ADGRL2: variants seen among roughly 807,000 people sequenced by gnomAD.
The protein encoded by ADGRL2 is adhesion G protein-coupled receptor L2, also known as calcium-independent alpha-latrotoxin receptor 2.
A neutral mutation model predicts 157.4 loss-of-function variants in ADGRL2; 44 were observed. The observed-to-expected ratio is 0.28, with a 90% CI of 0.22 to 0.36. The LOEUF (loss-of-function observed/expected upper bound fraction) is 0.36, where lower values mean the gene tolerates loss of function less well. Among genes scored for constraint, ADGRL2 ranks in the 10% least tolerant of loss-of-function variants. The pLI is 1.00. For synonymous variants in ADGRL2, 585 were observed against 624.7 expected, an observed-to-expected ratio of 0.94 and a Z score of 0.95; for missense variants, 1,510 against 1,768.9, an observed-to-expected ratio of 0.85 and a Z score of 2.63.
intron 3 of ADGRL2, among the ~76,000 whole-genome samples, chr1:81,654,836 C>A (rs2082495744): frequency 6.6e-6 from 1 of 152,214 alleles, no homozygotes; most frequent in Non-Finnish European, 1.5e-5. Context: ...CAATCCCTGT[C>A]TTACCAGTGC....
In ADGRL2 at chr1:81,569,703, G is replaced by T. The variant is rs1168506078; in HGVS notation, c.-247-11173G>T. ...TGCACATCTGTAGTCCCAACTACTGGGGAGGCAGAGGTGAGAGGATTGCTT... is the reference window on the plus strand; with the variant it reads ...TGCACATCTGTAGTCCCAACTACTGTGGAGGCAGAGGTGAGAGGATTGCTT... On this transcript the variant is annotated intron_variant, in intron 2 of 24. Transcript: ENST00000370721. Among the ~76,000 whole-genome samples the T allele has an allele frequency of 3.3e-5, 5 of 152,126 alleles. No individual in the cohort carries two copies. The East Asian group carries it at 9.6e-4, about 29-fold the overall frequency.
chr1:81,630,748 A>G (rs565190872), intron 3 of ADGRL2, among the ~76,000 whole-genome samples: 1 of 152,234 alleles, frequency 6.6e-6, no homozygotes, highest in Non-Finnish European at 1.5e-5. Flanking sequence ...ATAGGCTACA[A>G]GTTTAAAGTT....
At chr1:81,747,001 T>TACAC (rs1571050201) in intron 1 of ADGRL2, among the ~76,000 whole-genome samples, 53 of 132,410 alleles carry the variant, frequency 4.0e-4, no homozygotes, top group South Asian at 9.8e-4. Context: ...CGTATATACG[T>TACAC]GTATACACAC....
chr1:81,422,175 T>A (rs2077136833), intron 1 of ADGRL2, among the ~76,000 whole-genome samples: 2 of 97,318 alleles, frequency 2.1e-5, no homozygotes, highest in Admixed American at 2.9e-4. Flanking sequence ...CATATTTACA[T>A]CTCTCAAACT....
intron 2 of ADGRL2, among the ~76,000 whole-genome samples, chr1:81,526,148 C>T (rs2079450012): frequency 6.6e-6 from 1 of 152,152 alleles, no homozygotes; most frequent in Non-Finnish European, 1.5e-5. Context: ...GATTTGCAAG[C>T]TTATTTTGTC....
chr1:81,477,826 G>C (rs1042778657), intron 2 of ADGRL2, among the ~76,000 whole-genome samples: 2 of 152,130 alleles, frequency 1.3e-5, no homozygotes, highest in South Asian at 4.1e-4. Context: ...GCTTCAGGTC[G>C]TGTTGTGTTC....
At chr1:81,620,400 G>T (rs893638698) in intron 3 of ADGRL2, among the ~76,000 whole-genome samples, 3 of 152,144 alleles carry the variant, frequency 2.0e-5, no homozygotes, top group African/African-American at 7.2e-5. Context: ...TTTAGGTCAA[G>T]TAAAAAAGTA....
At chr1:81,769,293 C>T (rs563462974) in intron 2 of ADGRL2, among the ~76,000 whole-genome samples, 3 of 152,282 alleles carry the variant, frequency 2.0e-5, no homozygotes, top group African/African-American at 4.8e-5. Context: ...GCATTTCCCA[C>T]TCAAGAAAGC....
At chr1:81,407,212 C>A (rs752316542) in intron 1 of ADGRL2, among the ~76,000 whole-genome samples, 3 of 152,138 alleles carry the variant, frequency 2.0e-5, no homozygotes, top group Non-Finnish European at 4.4e-5. Context: ...CTGTTTCTGG[C>A]GAGAGAGATT....
At chr1:81,633,966 GC>G (rs1336363456) in intron 3 of ADGRL2, among the ~76,000 whole-genome samples, 1 of 152,108 alleles carries the variant, frequency 6.6e-6, no homozygotes, top group Admixed American at 6.6e-5. Flanking sequence ...ACTTGCGGGT[GC>G]CAGTAGTATT....
chr1:81,862,112 A>C (rs960849448), intron 2 of ADGRL2, among the ~76,000 whole-genome samples: 1 of 152,190 alleles, frequency 6.6e-6, no homozygotes, highest in Non-Finnish European at 1.5e-5. Context: ...AAAATTTGTA[A>C]CTTAAGGTAA....
chr1:81,730,320 T>A (rs1369239281), intron 1 of ADGRL2, among the ~76,000 whole-genome samples: 1 of 152,160 alleles, frequency 6.6e-6, no homozygotes, highest in Non-Finnish European at 1.5e-5. Context: ...TGGCCACTTG[T>A]CCTATATTTG....
At chr1:81,610,012 G>A (rs1320378904) in intron 3 of ADGRL2, among the ~76,000 whole-genome samples, 3 of 152,188 alleles carry the variant, frequency 2.0e-5, no homozygotes, top group African/African-American at 7.2e-5. Context: ...CTTGCTTGTA[G>A]TAGCCTCCTC....
At chr1:81,450,212 T>C (rs1002763215) in intron 2 of ADGRL2, among the ~76,000 whole-genome samples, 2 of 152,160 alleles carry the variant, frequency 1.3e-5, no homozygotes, top group African/African-American at 4.8e-5. Context: ...CATTCTCTTA[T>C]TAATAATCCA....
chr1:81,380,160 T>C (rs1426779206), intron 1 of ADGRL2, among the ~76,000 whole-genome samples: 1 of 152,206 alleles, frequency 6.6e-6, no homozygotes, highest in Non-Finnish European at 1.5e-5. Flanking sequence ...TTTTCTCCAG[T>C]CTAAATTTAA....
intron 2 of ADGRL2, among the ~76,000 whole-genome samples, chr1:81,858,261 A>G (rs1324143129): frequency 6.6e-6 from 1 of 152,198 alleles, no homozygotes; most frequent in African/African-American, 2.4e-5. Context: ...ACATCAAAAT[A>G]AGGAAAGCCA....
intron 2 of ADGRL2, among the ~76,000 whole-genome samples, chr1:81,858,640 G>A (rs1269247481): frequency 6.6e-6 from 1 of 152,050 alleles, no homozygotes; most frequent in African/African-American, 2.4e-5. Context: ...ATTTGACTTG[G>A]TGTTATTTCT....
At chr1:81,316,257 A>T (rs1444895880) in intron 1 of ADGRL2, among the ~76,000 whole-genome samples, 11 of 152,206 alleles carry the variant, frequency 7.2e-5, no homozygotes. Context: ...GTTTAAGCAG[A>T]TTATAATTAG....
chr1:81,850,895 ATT>A (rs2150506010), intron 2 of ADGRL2, among the ~76,000 whole-genome samples: 1 of 151,954 alleles, frequency 6.6e-6, no homozygotes, highest in African/African-American at 2.4e-5. Flanking sequence ...ACAATGTTTT[ATT>A]TATTTCTGTA....
Sources: gnomAD v4.1 joint callset for allele counts (sites outside exome capture counted in the v4.1 genomes callset) on GRCh38, gnomAD v4.1.1 for gene constraint, MANE v1.5 for transcripts, NCBI Gene and HGNC (gene_info 2026-07-23, HGNC 2026-07-21) for gene names.